Variants in LRP1 observed in about 807,000 individuals in gnomAD.
LRP1 encodes the protein prolow-density lipoprotein receptor-related protein 1.
In LRP1, 51 loss-of-function variants were observed where a neutral mutation model predicts 541.5. That is an observed-to-expected ratio of 0.09 (90% CI 0.08 to 0.12). The LOEUF (loss-of-function observed/expected upper bound fraction) is 0.12, where lower values mean the gene tolerates loss of function less well. LRP1 is among the 10% of genes least tolerant of loss of function. The pLI is 1.00. For missense variants in LRP1, 3,878 were observed against 6,376.2 expected (o/e 0.61, Z 13.34); for synonymous variants, 2,219 against 2,470.8 (o/e 0.90, Z 3.02).
intron 11 of LRP1, among the ~76,000 whole-genome samples, chr12:57,159,536 G>A (rs570082244): frequency 1.3e-5 from 2 of 152,254 alleles, no homozygotes; most frequent in East Asian, 1.9e-4. Context: ...ATGCAGGCAC[G>A]GGCCAGATGC....
rs756683733 is a variant in LRP1 at position 57,177,181 on chromosome 12, C to T, written c.4132C>T (p.Arg1378Trp). 1 of 1,614,210 alleles carries T rather than the reference C, an allele frequency of 6.2e-7. No individual in the cohort carries two copies. The highest frequency in any genetic ancestry group is 1.7e-5 in the Admixed American group (1 of 60,028). Residue 1378 changes from arginine to tryptophan, a missense_variant, in exon 25 of 89, where the codon CGG becomes TGG. Coordinates refer to ENST00000243077, the MANE Select transcript of LRP1 (RefSeq NM_002332.3). The surrounding 1 kb of genome is among the most constrained non-coding windows in gnomAD (Gnocchi z 6.8). ...IEVAKLDGTL[R>W]TTLLAGDIEH... is the part of the protein sequence containing the mutation. ...GGTGGCCAAGCTGGATGGGACCCTC[C>T]GGACCACCCTGCTGGCCGGTGACAT... is the stretch of plus-strand genomic sequence containing the variant.
intron 42 of LRP1, among the ~76,000 whole-genome samples, chr12:57,188,159 G>GAC (rs2036304874): frequency 6.6e-6 from 1 of 152,308 alleles, no homozygotes; most frequent in African/African-American, 2.4e-5. Flanking sequence ...AAAGCACCCG[G>GAC]GGGTGGGTGC....
rs113471717 is a variant in LRP1 at position 57,165,957 on chromosome 12, G to T, written c.2671+12G>T. ...CCCAGCCCTCTGCCGTGAGTCACAC[G>T]CCCTGCCCCACCCTGTTGGATGGCA... On this transcript the variant is annotated intron_variant, in intron 16 of 88. Transcript: ENST00000243077. The surrounding 1 kb of genome is among the most constrained non-coding windows in gnomAD (Gnocchi z 4.5). The T allele has an allele frequency of 1.2e-6, 2 of 1,613,758 alleles. No homozygotes were observed. The highest frequency in any genetic ancestry group is 1.7e-6 in the Non-Finnish European group (2 of 1,179,850).
chr12:57,212,437 T>C lies in LRP1; in HGVS notation c.13517T>C (p.Val4506Ala). 6.2e-7 allele frequency: 1 copy of C among 1,614,050 alleles called. No individual in the cohort carries two copies. ...CAGCCCACCAACTTCACCAACCCCGTGTATGCCACACTCTACATGGGGGGC... is the reference window on the plus strand; with the variant it reads ...CAGCCCACCAACTTCACCAACCCCGCGTATGCCACACTCTACATGGGGGGC... The part of the protein sequence containing the change: ...PDKPTNFTNP[V>A]YATLYMGGHG... Residue 4506 changes from valine to alanine, a missense_variant, in exon 89 of 89, where the codon GTG (valine) becomes GCG (alanine). Physicochemically the swap from Val to Ala is moderately conservative, Grantham distance 64 (BLOSUM62 0). Transcript: ENST00000243077. This position sits in a 1 kb window ranked among gnomAD's most constrained non-coding sequence, Gnocchi z 5.0.
rs928967983 is a variant in LRP1 at position 57,128,607 on chromosome 12, A to AC, written c.-351dup. On this transcript the variant is annotated 5_prime_UTR_variant, in exon 1 of 89. Transcript: ENST00000243077. ...CTCCCCTACCCGGTCCACGCCCCCCACCCCCCCTCCCCGCCTCCTCCCAAT... is the reference window on the plus strand; with the variant it reads ...CTCCCCTACCCGGTCCACGCCCCCCACCCCCCCCTCCCCGCCTCCTCCCAAT... 2.4e-5 allele frequency: 8 copies of AC among 327,720 alleles called. No individual in the cohort carries two copies. In the South Asian group the frequency reaches 4.9e-4, roughly 20 times the overall value. 20.3% of individuals were successfully genotyped at this position (327,720 alleles called of 1,614,324 possible). A position where few individuals can be genotyped will look rare whatever the true frequency, so the allele number is the denominator to read the frequency against.
chr12:57,172,453 G>A (rs997154721), intron 20 of LRP1, among the ~76,000 whole-genome samples: 10 of 152,222 alleles, frequency 6.6e-5, no homozygotes. Flanking sequence ...ACAGGCGTGA[G>A]CCACCGCGCC....
chr12:57,192,037 A>AG (rs2036420198), intron 44 of LRP1, among the ~76,000 whole-genome samples: 1 of 142,246 alleles, frequency 7.0e-6, no homozygotes, highest in Non-Finnish European at 1.5e-5. Context: ...CCCACAACAC[A>AG]CATCACACAC....
At position 57,204,755 on chromosome 12, in the gene LRP1, C is replaced by T. The variant is rs1324174335; in HGVS notation, c.11194+6C>T. On this transcript the variant is annotated splice_donor_region_variant and intron_variant, in intron 72 of 88. Coordinates refer to ENST00000243077, the MANE Select transcript of LRP1 (RefSeq NM_002332.3). This position sits in a 1 kb window ranked among gnomAD's most constrained non-coding sequence, Gnocchi z 5.3. ...GACTGATGAAGAGGACTGTGGTGAG[C>T]AGGGGGCCGACGAGAGGCCTGCAGG... is the stretch of plus-strand genomic sequence containing the variant. 2 of 1,613,602 alleles carry T rather than the reference C, an allele frequency of 1.2e-6. No homozygotes were observed. Among genetic ancestry groups the T allele is most frequent in the South Asian group, 2.2e-5 (2 of 91,080 alleles).
rs2036790104 is a variant in LRP1 at position 57,206,802 on chromosome 12, C to G, written c.11859+61C>G. 3.2e-6 allele frequency: 5 copies of G among 1,574,658 alleles called. 1 individual carries two copies. The highest frequency in any genetic ancestry group is 3.4e-6 in the Non-Finnish European group (4 of 1,162,104). On this transcript the variant is annotated intron_variant, in intron 76 of 88. Coordinates refer to ENST00000243077, the MANE Select transcript of LRP1 (RefSeq NM_002332.3). This position sits in a 1 kb window ranked among gnomAD's most constrained non-coding sequence, Gnocchi z 4.7. ...GCTCCATAGAGCAGGCGGTTCAGAG[C>G]AGGATTTGAAAAGGGCAGTGCTGGC...
At chr12:57,187,492 A>G (rs760052056) in intron 42 of LRP1, 36 bp downstream of exon 42, 1 of 1,591,030 alleles carries the variant, frequency 6.3e-7, no homozygotes, top group Non-Finnish European at 8.6e-7. Context: ...TAGCAGGGAG[A>G]GGTGGGACTC....
chr12:57,161,739 C>T (rs975583357), intron 13 of LRP1, among the ~76,000 whole-genome samples: 1 of 152,114 alleles, frequency 6.6e-6, no homozygotes, highest in Non-Finnish European at 1.5e-5. Flanking sequence ...GAATGTTCAC[C>T]CCAGCTCCTC....
chr12:57,210,236 C>T, intron 81 of LRP1, 67 bp downstream of exon 81: 1 of 1,550,848 alleles, frequency 6.4e-7, no homozygotes, highest in East Asian at 2.3e-5. Flanking sequence ...CTCCTGACTT[C>T]CCCTGACCTT....
At position 57,154,747 on chromosome 12, in the gene LRP1, G is replaced by A; in HGVS notation, c.1227+46G>A. ...GGTTTTGTGGGGGAACCATGATCCAGGGCCTTCTGGTGAGGGGGGAAGCCT... is the reference window on the plus strand; with the variant it reads ...GGTTTTGTGGGGGAACCATGATCCAAGGCCTTCTGGTGAGGGGGGAAGCCT... On this transcript the variant is annotated intron_variant, in intron 8 of 88. Coordinates refer to ENST00000243077, the MANE Select transcript of LRP1 (RefSeq NM_002332.3). The surrounding 1 kb of genome is among the most constrained non-coding windows in gnomAD (Gnocchi z 4.6). 5 of 1,518,018 alleles carry A rather than the reference G, an allele frequency of 3.3e-6. No homozygotes were observed. Among genetic ancestry groups the A allele is most frequent in the South Asian group, 1.2e-5 (1 of 83,382 alleles). 94.0% of individuals were successfully genotyped at this position (1,518,018 alleles called of 1,614,324 possible). A position where few individuals can be genotyped will look rare whatever the true frequency, so the allele number is the denominator to read the frequency against.
Position 57,197,011 on chromosome 12 carries a change from G to T in LRP1, c.8922G>T (p.Lys2974Asn). ...KCRCRPGFRL[K>N]DDGRTCADVD... ...GCTGTCGCCCTGGCTTCCGGCTGAA[G>T]GACGACGGCCGGACGTGTGCTGATG... Residue 2974 changes from lysine to asparagine, a missense_variant, in exon 56 of 89, where the codon AAG becomes AAT. By Grantham distance (94) the Lys-to-Asn change is moderately conservative. Around this residue, in one of 13 missense-constraint regions of LRP1, gnomAD observed 1,100 missense variants for 1,827.4 expected, o/e 0.60. Transcript: ENST00000243077. This position sits in a 1 kb window ranked among gnomAD's most constrained non-coding sequence, Gnocchi z 4.5. 6.2e-7 allele frequency: 1 copy of T among 1,613,282 alleles called. No homozygotes were observed.
rs865935171 is a variant in LRP1, at chr12:57,201,877, T to C, written c.10566T>C (p.Asp3522=). ...GTGACGGAGAGGATGACTGTGGGGA[T>C]GGCTCGGATGAGCCCAAGGAAGAGT... ...WKCDGEDDCG[D]GSDEPKEECD... Residue 3522 remains aspartate, a synonymous_variant, in exon 67 of 89, where the codon GAT becomes GAC. Coordinates refer to ENST00000243077, the MANE Select transcript of LRP1 (RefSeq NM_002332.3). This position sits in a 1 kb window ranked among gnomAD's most constrained non-coding sequence, Gnocchi z 6.4. 6.2e-7 allele frequency: 1 copy of C among 1,613,998 alleles called. No homozygotes were observed. Among genetic ancestry groups the C allele is most frequent in the Non-Finnish European group, 8.5e-7 (1 of 1,179,996 alleles).
rs1447197549 is a variant in LRP1, at chr12:57,177,989, C to A, written c.4362-370C>A. Among the ~76,000 whole-genome samples the A allele has an allele frequency of 6.6e-6, 1 of 150,482 alleles. No individual in the cohort carries two copies. Among genetic ancestry groups the A allele is most frequent in the East Asian group, 1.9e-4 (1 of 5,132 alleles). On this transcript the variant is annotated intron_variant, in intron 26 of 88. Coordinates refer to ENST00000243077, the MANE Select transcript of LRP1 (RefSeq NM_002332.3). The surrounding 1 kb of genome is among the most constrained non-coding windows in gnomAD (Gnocchi z 6.8). Reference sequence around the variant, plus strand: ...TTTGAGACAGAGTCTCGCTCCGTCGCCCAGGCTGGAGTGCAGTGGCGCGAT... The same window carrying A: ...TTTGAGACAGAGTCTCGCTCCGTCGACCAGGCTGGAGTGCAGTGGCGCGAT...
At chr12:57,207,764 G>A (rs778928144) in intron 76 of LRP1, among the ~76,000 whole-genome samples, 12 of 152,206 alleles carry the variant, frequency 7.9e-5, no homozygotes, top group Non-Finnish European at 1.3e-4. Flanking sequence ...CACTGTGTAC[G>A]TCTTAGCTAC....
At chr12:57,174,716 C>G (rs112199490) in intron 22 of LRP1, among the ~76,000 whole-genome samples, 4 of 152,260 alleles carry the variant, frequency 2.6e-5, no homozygotes, top group African/African-American at 9.6e-5. Flanking sequence ...AGTGAGCCAA[C>G]ATCCTGCCAC....
At chr12:57,191,946 T>C (rs199564927) in intron 44 of LRP1, among the ~76,000 whole-genome samples, 2,118 of 5,518 alleles carry the variant, frequency 0.38, 174 homozygotes, top group Admixed American at 0.42. Flanking sequence ...ACACACCACA[T>C]ACACACACCA....
Sources: gnomAD v4.1 joint callset for allele counts (sites outside exome capture counted in the v4.1 genomes callset) on GRCh38, gnomAD v4.1.1 for gene constraint, gnomAD v4.1.1 regional missense constraint, Gnocchi (gnomAD v3.1) non-coding constraint, MANE v1.5 for transcripts, NCBI Gene and HGNC (gene_info 2026-07-23, HGNC 2026-07-21) for gene names.